The following GMDS variants were observed in gnomAD, a reference collection of about 807,000 sequenced individuals.
GMDS encodes GDP-mannose 4,6 dehydratase.
In GMDS, 20 loss-of-function variants were observed where a neutral mutation model predicts 49.9. The ratio of observed to expected loss-of-function variants is 0.40; its 90% confidence interval spans 0.28 to 0.58. The LOEUF is 0.58. GMDS is among the 20% of genes least tolerant of loss of function. The pLI is 0.42. For missense variants in GMDS, 362 were observed against 481.4 expected (o/e 0.75, Z 2.32); for synonymous variants, 177 against 178.6 (o/e 0.99, Z 0.07).
chr6:2,182,602 T>A (rs1217782871), intron 1 of GMDS, among the ~76,000 whole-genome samples: 1 of 152,220 alleles, frequency 6.6e-6, no homozygotes, highest in Non-Finnish European at 1.5e-5. Flanking sequence ...AAATCTATTA[T>A]GTTTCTGTGC....
At chr6:1,715,477 G>A (rs561274097) in intron 9 of GMDS, among the ~76,000 whole-genome samples, 72 of 152,308 alleles carry the variant, frequency 4.7e-4, no homozygotes, top group Non-Finnish European at 8.2e-4. Flanking sequence ...CTTCCCCCAG[G>A]ACCCCAGGTG....
At chr6:2,193,756 G>C (rs200750397) in intron 1 of GMDS, among the ~76,000 whole-genome samples, 1 of 126,884 alleles carries the variant, frequency 7.9e-6, no homozygotes, top group Non-Finnish European at 1.6e-5. Context: ...ATGGAGTCTC[G>C]CTCTGTTGCC....
At chr6:1,923,645 G>C (rs938341296) in intron 7 of GMDS, among the ~76,000 whole-genome samples, 1 of 152,198 alleles carries the variant, frequency 6.6e-6, no homozygotes, top group Non-Finnish European at 1.5e-5. Flanking sequence ...TCACTCACGC[G>C]CTCCCTCCTA....
At chr6:1,667,450 T>C (rs764804194) in intron 9 of GMDS, among the ~76,000 whole-genome samples, 15 of 152,206 alleles carry the variant, frequency 9.9e-5, no homozygotes, top group Non-Finnish European at 1.9e-4. Context: ...TTAAGCTCAG[T>C]ATAAACACCA....
intron 7 of GMDS, among the ~76,000 whole-genome samples, chr6:1,861,671 T>C (rs1223338823): frequency 6.6e-6 from 1 of 150,986 alleles, no homozygotes; most frequent in Non-Finnish European, 1.5e-5. Flanking sequence ...ATCCCATAGG[T>C]TACAGGGAAA....
chr6:1,959,518 G>A (rs577052407), intron 6 of GMDS, among the ~76,000 whole-genome samples: 2 of 152,278 alleles, frequency 1.3e-5, no homozygotes, highest in East Asian at 3.9e-4. Flanking sequence ...TTGAATAGGA[G>A]TAATTTCTAA....
At chr6:1,628,158 C>T (rs1002883426) in intron 9 of GMDS, among the ~76,000 whole-genome samples, 2 of 152,214 alleles carry the variant, frequency 1.3e-5, no homozygotes, top group South Asian at 2.1e-4. Flanking sequence ...TCCTGGCTTA[C>T]GTTCTTGTTA....
At chr6:1,769,686 A>T (rs1449433354) in intron 7 of GMDS, among the ~76,000 whole-genome samples, 2 of 150,656 alleles carry the variant, frequency 1.3e-5, no homozygotes, top group Admixed American at 6.6e-5. Context: ...GGTAACACAG[A>T]GTTTAAATGT....
intron 9 of GMDS, among the ~76,000 whole-genome samples, chr6:1,710,397 G>A (rs529495204): frequency 1.1e-3 from 171 of 152,300 alleles, no homozygotes; most frequent in African/African-American, 3.7e-3. Context: ...TCTTTTCCAC[G>A]TCTGCGGCAT....
chr6:1,685,556 G>A (rs552545860), intron 9 of GMDS, among the ~76,000 whole-genome samples: 39 of 151,810 alleles, frequency 2.6e-4, no homozygotes, highest in African/African-American at 8.7e-4. Flanking sequence ...TATATTCCTC[G>A]TCTCCATTCA....
chr6:1,876,069 T>G (rs1318669892), intron 7 of GMDS, among the ~76,000 whole-genome samples: 1 of 150,174 alleles, frequency 6.7e-6, no homozygotes, highest in East Asian at 2.0e-4. Flanking sequence ...TAATGCAGTC[T>G]TCTACTATAT....
At chr6:2,203,989 T>C (rs1445142431) in intron 1 of GMDS, among the ~76,000 whole-genome samples, 1 of 152,158 alleles carries the variant, frequency 6.6e-6, no homozygotes, top group South Asian at 2.1e-4. Flanking sequence ...GAGGTATCTC[T>C]GGAAAACCTG....
At chr6:1,916,747 A>G (rs1761424245) in intron 7 of GMDS, among the ~76,000 whole-genome samples, 1 of 152,238 alleles carries the variant, frequency 6.6e-6, no homozygotes. Context: ...TAGATGACTC[A>G]TTAGCCAGCC....
intron 1 of GMDS, among the ~76,000 whole-genome samples, chr6:2,142,419 A>T (rs1009034127): frequency 2.6e-5 from 4 of 151,380 alleles, no homozygotes; most frequent in Non-Finnish European, 5.9e-5. Flanking sequence ...GTCCTTATTT[A>T]AAAAAAAAGA....
chr6:1,670,114 A>T (rs1000695915), intron 9 of GMDS, among the ~76,000 whole-genome samples: 2 of 151,948 alleles, frequency 1.3e-5, no homozygotes, highest in African/African-American at 4.8e-5. Flanking sequence ...GGAAGCCTCA[A>T]GTCAGAGCGC....
intron 7 of GMDS, among the ~76,000 whole-genome samples, chr6:1,862,681 A>G (rs778564447): frequency 4.6e-5 from 7 of 152,250 alleles, no homozygotes; most frequent in African/African-American, 7.2e-5. Context: ...AACTCTGTCA[A>G]ATTAACTTGA....
rs148113694 is a variant in GMDS at position 2,075,370 on chromosome 6, G to A, written c.345+40401C>T. 7.9e-5 allele frequency among the ~76,000 whole-genome samples: 12 copies of A among 152,040 alleles called. No individual in the cohort carries two copies. In the East Asian group the frequency reaches 1.2e-3, roughly 15 times the overall value. On this transcript the variant is annotated intron_variant, in intron 4 of 10. Coordinates refer to ENST00000380815, the MANE Select transcript of GMDS (RefSeq NM_001500.4). ...TGTGCCATGTTGGTGTGCTGCACCC[G>A]TTAACTCGTCATTTAACATTAGGCA...
chr6:1,782,287 G>C (rs1769126580), intron 7 of GMDS, among the ~76,000 whole-genome samples: 1 of 152,176 alleles, frequency 6.6e-6, no homozygotes, highest in Non-Finnish European at 1.5e-5. Flanking sequence ...CTAAACATAG[G>C]TGTACTGTAG....
chr6:1,861,840 C>T (rs538599379), intron 7 of GMDS, among the ~76,000 whole-genome samples: 6 of 152,188 alleles, frequency 3.9e-5, no homozygotes, highest in East Asian at 1.9e-4. Flanking sequence ...TTTGTCTTTT[C>T]GGACTTCACC....
Sources: allele counts gnomAD v4.1 joint callset (sites outside exome capture counted in the v4.1 genomes callset), GRCh38; gene constraint gnomAD v4.1.1; transcripts MANE v1.5; gene names NCBI Gene and HGNC (gene_info 2026-07-23, HGNC 2026-07-21).